Variants in MGMT observed in about 807,000 individuals in gnomAD.
MGMT encodes the protein methylated-DNA--protein-cysteine methyltransferase.
In MGMT, 14 loss-of-function variants were observed where a neutral mutation model predicts 15.9. The ratio of observed to expected loss-of-function variants is 0.88; its 90% CI spans 0.58 to 1.37. The LOEUF is 1.37. MGMT is among the 40% of genes most tolerant of loss of function. The pLI is 0.00. For missense variants in MGMT, 282 were observed against 268.1 expected, an observed-to-expected ratio of 1.05 and a Z score of -0.36; for synonymous variants, 130 against 118.2, an observed-to-expected ratio of 1.10 and a Z score of -0.65.
intron 3 of MGMT, among the ~76,000 whole-genome samples, chr10:129,746,271 A>C (rs866658915): frequency 2.9e-4 from 44 of 150,442 alleles, no homozygotes; most frequent in African/African-American, 9.8e-4. Flanking sequence ...AAAAAAAAAC[A>C]CCTGACTTTC....
chr10:129,509,256 G>A (rs1417700483), intron 1 of MGMT, among the ~76,000 whole-genome samples: 1 of 152,184 alleles, frequency 6.6e-6, no homozygotes, highest in Non-Finnish European at 1.5e-5. Context: ...TTTCATGATG[G>A]TTTAATTTTT....
chr10:129,749,073 T>A (rs1256180779), intron 3 of MGMT, among the ~76,000 whole-genome samples: 1 of 152,204 alleles, frequency 6.6e-6, no homozygotes, highest in Non-Finnish European at 1.5e-5. Flanking sequence ...TATAATACAG[T>A]CAGATTCTCT....
At chr10:129,704,205 T>C (rs1447341157) in intron 2 of MGMT, among the ~76,000 whole-genome samples, 2 of 152,070 alleles carry the variant, frequency 1.3e-5, no homozygotes, top group African/African-American at 4.8e-5. Flanking sequence ...GCAGAAGTTC[T>C]CCTTTCCGTG....
chr10:129,759,260 G>A lies in MGMT; in HGVS notation c.333G>A (p.Val111=). 1 of 1,614,182 alleles carries A rather than the reference G, an allele frequency of 6.2e-7. No individual in the cohort carries two copies. The highest frequency in any genetic ancestry group is 1.1e-5 in the South Asian group (1 of 91,074). The change falls in exon 4 of 5, where the codon GTG becomes GTA. Residue 111 remains valine (V), a synonymous_variant. Transcript: ENST00000651593. ...KLLKVVKFGE[V]ISYQQLAALA... is the part of the protein sequence containing the mutation. Reference sequence around the variant, plus strand: ...TGAAGGTTGTGAAATTCGGAGAAGTGATTTCTTACCAGCAATTAGCAGCCC... The same window carrying A: ...TGAAGGTTGTGAAATTCGGAGAAGTAATTTCTTACCAGCAATTAGCAGCCC...
chr10:129,611,073 A>T (rs1235788569), intron 2 of MGMT, among the ~76,000 whole-genome samples: 1 of 152,208 alleles, frequency 6.6e-6, no homozygotes, highest in African/African-American at 2.4e-5. Flanking sequence ...GGTGCACAGG[A>T]TGAAAGAACA....
chr10:129,549,236 C>T, intron 2 of MGMT, among the ~76,000 whole-genome samples: 1 of 152,142 alleles, frequency 6.6e-6, no homozygotes, highest in Non-Finnish European at 1.5e-5. Context: ...CTGTAGCAGA[C>T]CATCTCCTGG....
chr10:129,583,185 T>C (rs557911893), intron 2 of MGMT, among the ~76,000 whole-genome samples: 1 of 152,336 alleles, frequency 6.6e-6, no homozygotes, highest in South Asian at 2.1e-4. Flanking sequence ...CTGCCTTGGG[T>C]GTACTTTATT....
intron 2 of MGMT, among the ~76,000 whole-genome samples, chr10:129,635,551 A>G (rs867919568): frequency 6.6e-6 from 1 of 152,220 alleles, no homozygotes; most frequent in Non-Finnish European, 1.5e-5. Context: ...GAGAGGGTCA[A>G]TCTTGTCTCT....
chr10:129,538,291 A>G (rs887362544), intron 2 of MGMT, among the ~76,000 whole-genome samples: 1 of 152,200 alleles, frequency 6.6e-6, no homozygotes, highest in Admixed American at 6.5e-5. Flanking sequence ...TGTGCCCCCT[A>G]AAGTTAGTCC....
At chr10:129,644,023 G>A (rs1441497486) in intron 2 of MGMT, among the ~76,000 whole-genome samples, 2 of 152,128 alleles carry the variant, frequency 1.3e-5, no homozygotes, top group African/African-American at 2.4e-5. Context: ...GATGCCTACT[G>A]TATGCCCAGC....
In MGMT at chr10:129,769,674, C is replaced by CT. The variant is rs1205800880; in HGVS notation, c.*2678dup. Among the ~76,000 whole-genome samples the CT allele has an allele frequency of 6.6e-6, 1 of 152,162 alleles. No homozygotes were observed. Among genetic ancestry groups the CT allele is most frequent in the Non-Finnish European group, 1.5e-5 (1 of 68,034 alleles). On this transcript the variant is annotated 3_prime_UTR_variant, in exon 5 of 5. Transcript: ENST00000651593. ...AAGTTGCCTTTGGCCACGCAGGAGA[C>CT]TGAGTTTTGTGAGGGGTTGTCCTTC...
intron 2 of MGMT, among the ~76,000 whole-genome samples, chr10:129,706,913 G>A (rs898509415): frequency 3.3e-5 from 5 of 152,074 alleles, no homozygotes; most frequent in Admixed American, 2.0e-4. Context: ...AGTCTGAAGC[G>A]ACTCCCAGAG....
chr10:129,720,328 C>A (rs763864518), intron 3 of MGMT, among the ~76,000 whole-genome samples: 1 of 152,218 alleles, frequency 6.6e-6, no homozygotes, highest in Non-Finnish European at 1.5e-5. Flanking sequence ...TAGGCTGCTG[C>A]AAGAGGGTAA....
chr10:129,536,213 C>A, intron 1 of MGMT, 28 bp from the exon 2 acceptor site: 1 of 1,612,906 alleles, frequency 6.2e-7, no homozygotes, highest in Non-Finnish European at 8.5e-7. Context: ...TACCTATACA[C>A]TTTGTCTTAA....
At chr10:129,740,844 G>A (rs1402280537) in intron 3 of MGMT, among the ~76,000 whole-genome samples, 3 of 152,182 alleles carry the variant, frequency 2.0e-5, no homozygotes, top group East Asian at 1.9e-4. Context: ...ACACTGAACC[G>A]AGCCTGGTAC....
chr10:129,615,814 G>A (rs1211197465), intron 2 of MGMT, among the ~76,000 whole-genome samples: 4 of 152,096 alleles, frequency 2.6e-5, no homozygotes, highest in Non-Finnish European at 5.9e-5. Flanking sequence ...AACCATAAAG[G>A]GACTGAGGGG....
At chr10:129,661,007 A>C (rs574884592) in intron 2 of MGMT, among the ~76,000 whole-genome samples, 1 of 152,196 alleles carries the variant, frequency 6.6e-6, no homozygotes, top group Admixed American at 6.5e-5. Flanking sequence ...AGTCCTTTGG[A>C]ATGCAACCTT....
At chr10:129,497,657 A>G (rs1845535914) in intron 1 of MGMT, among the ~76,000 whole-genome samples, 2 of 152,124 alleles carry the variant, frequency 1.3e-5, no homozygotes, top group Non-Finnish European at 1.5e-5. Context: ...CTCTAGTGCA[A>G]TGGTCTGAAT....
intron 2 of MGMT, among the ~76,000 whole-genome samples, chr10:129,632,128 A>C (rs1470189435): frequency 2.6e-5 from 4 of 152,204 alleles, no homozygotes; most frequent in Non-Finnish European, 5.9e-5. Flanking sequence ...ATGCCTTTTT[A>C]TGCACCAGCG....
Sources: gnomAD v4.1 joint callset for allele counts (sites outside exome capture counted in the v4.1 genomes callset) on GRCh38, gnomAD v4.1.1 for gene constraint, MANE v1.5 for transcripts, NCBI Gene and HGNC (gene_info 2026-07-23, HGNC 2026-07-21) for gene names.